The following STPG2 variants were observed in gnomAD, a reference collection of about 807,000 sequenced individuals.
The protein encoded by STPG2 is sperm-tail PG-rich repeat-containing protein 2.
Under a neutral mutation model 54.2 loss-of-function variants are expected in STPG2, and 56 were observed. That is an observed-to-expected ratio of 1.03 (90% CI 0.83 to 1.29). The LOEUF (loss-of-function observed/expected upper bound fraction) is 1.29. Ranked by LOEUF, STPG2 falls within the 50% of genes most tolerant of loss-of-function variation. The pLI is 0.00. For synonymous variants in STPG2, 200 were observed against 181.8 expected (o/e 1.10, Z -0.81); for missense variants, 596 against 544.9 (o/e 1.09, Z -0.93).
At chr4:97,656,691 T>C (rs962056324) in intron 10 of STPG2, among the ~76,000 whole-genome samples, 2 of 150,866 alleles carry the variant, frequency 1.3e-5, no homozygotes, top group African/African-American at 4.9e-5. Flanking sequence ...ATTATTTCTT[T>C]AGATTGGCAA....
intron 4 of STPG2, among the ~76,000 whole-genome samples, chr4:97,461,835 T>C (rs1188406689): frequency 2.0e-5 from 3 of 152,222 alleles, no homozygotes; most frequent in African/African-American, 7.2e-5. Flanking sequence ...TTTTAGAACT[T>C]CATTTCTAGA....
chr4:97,544,216 A>T (rs1402100789), intron 4 of STPG2, among the ~76,000 whole-genome samples: 1 of 152,134 alleles, frequency 6.6e-6, no homozygotes, highest in African/African-American at 2.4e-5. Context: ...AGAATGCATG[A>T]TCTCAAAGTT....
At chr4:97,770,796 G>A (rs958150063) in intron 9 of STPG2, among the ~76,000 whole-genome samples, 1 of 152,178 alleles carries the variant, frequency 6.6e-6, no homozygotes, top group South Asian at 2.1e-4. Flanking sequence ...ATGAAGAATG[G>A]AATTGTCGCT....
chr4:97,553,170 G>A (rs1404748127), intron 4 of STPG2, among the ~76,000 whole-genome samples: 2 of 152,158 alleles, frequency 1.3e-5, no homozygotes, highest in East Asian at 3.9e-4. Flanking sequence ...TTAATAGCAA[G>A]GATCTGGGAG....
chr4:97,738,551 G>C (rs1725105416), intron 9 of STPG2, among the ~76,000 whole-genome samples: 1 of 151,994 alleles, frequency 6.6e-6, no homozygotes, highest in Admixed American at 6.6e-5. Flanking sequence ...AAAAAGGCAG[G>C]GGTTCCAATC....
intron 5 of STPG2, among the ~76,000 whole-genome samples, chr4:98,004,377 A>G (rs1010816810): frequency 6.6e-6 from 1 of 152,074 alleles, no homozygotes; most frequent in Non-Finnish European, 1.5e-5. Context: ...CACTTTCTTT[A>G]TCCAGTCATC....
intron 9 of STPG2, among the ~76,000 whole-genome samples, chr4:97,781,340 C>A (rs575904773): frequency 1.3e-5 from 2 of 151,798 alleles, no homozygotes; most frequent in Non-Finnish European, 2.9e-5. Flanking sequence ...GAAGAAATGG[C>A]TAAATTCCTG....
At chr4:98,009,963 T>C (rs952290423) in intron 5 of STPG2, among the ~76,000 whole-genome samples, 3 of 152,084 alleles carry the variant, frequency 2.0e-5, no homozygotes, top group Admixed American at 2.0e-4. Context: ...GTCTTTTTCA[T>C]TTCTGATTAT....
intron 9 of STPG2, among the ~76,000 whole-genome samples, chr4:97,833,566 G>A (rs1728538431): frequency 2.0e-5 from 3 of 152,016 alleles, no homozygotes; most frequent in Admixed American, 2.0e-4. Flanking sequence ...AGAGTGAACA[G>A]GCAAACTACA....
At chr4:97,638,805 A>C (rs1341623451) in intron 10 of STPG2, among the ~76,000 whole-genome samples, 2 of 146,710 alleles carry the variant, frequency 1.4e-5, no homozygotes, top group Non-Finnish European at 3.0e-5. Flanking sequence ...ATACCATCTC[A>C]CACCAGTTAG....
At chr4:97,813,180 T>C (rs1481172693) in intron 9 of STPG2, among the ~76,000 whole-genome samples, 1 of 152,114 alleles carries the variant, frequency 6.6e-6, no homozygotes, top group African/African-American at 2.4e-5. Context: ...TCTCTTATTA[T>C]AAGAATCTTT....
At chr4:98,092,056 G>C (rs1384980200) in intron 5 of STPG2, among the ~76,000 whole-genome samples, 1 of 151,974 alleles carries the variant, frequency 6.6e-6, no homozygotes, top group Non-Finnish European at 1.5e-5. Context: ...ACTCAGTGCA[G>C]TACAAACTAT....
intron 9 of STPG2, among the ~76,000 whole-genome samples, chr4:97,737,709 T>C (rs912851078): frequency 6.6e-6 from 1 of 152,168 alleles, no homozygotes; most frequent in Non-Finnish European, 1.5e-5. Context: ...TATGGGACTA[T>C]GTGAAAAGAC....
intron 8 of STPG2, among the ~76,000 whole-genome samples, chr4:97,866,155 G>C (rs1209444740): frequency 6.6e-6 from 1 of 151,876 alleles, no homozygotes; most frequent in East Asian, 1.9e-4. Flanking sequence ...TGGTTAGATA[G>C]AATGAATAAG....
intron 10 of STPG2, among the ~76,000 whole-genome samples, chr4:97,661,666 C>G (rs989437754): frequency 1.3e-5 from 2 of 151,634 alleles, no homozygotes; most frequent in African/African-American, 4.8e-5. Flanking sequence ...GGGGAATGCT[C>G]TCCATAATAA....
intron 10 of STPG2, among the ~76,000 whole-genome samples, chr4:97,649,785 G>T (rs935158709): frequency 6.6e-6 from 1 of 152,062 alleles, no homozygotes; most frequent in Non-Finnish European, 1.5e-5. Context: ...TTGGCACCAG[G>T]GACCGGTTTC....
intron 9 of STPG2, among the ~76,000 whole-genome samples, chr4:97,822,562 G>T (rs536375575): frequency 6.6e-6 from 1 of 152,132 alleles, no homozygotes; most frequent in Non-Finnish European, 1.5e-5. Context: ...CTTAAGACTG[G>T]GTAATACATA....
At chr4:97,597,004 T>G (rs1280450768) in intron 10 of STPG2, among the ~76,000 whole-genome samples, 1 of 151,446 alleles carries the variant, frequency 6.6e-6, no homozygotes, top group African/African-American at 2.4e-5. Context: ...ATAAATAAAA[T>G]GGACAGATGC....
At chr4:97,934,503 T>C (rs1468323975) in intron 8 of STPG2, among the ~76,000 whole-genome samples, 1 of 152,236 alleles carries the variant, frequency 6.6e-6, no homozygotes, top group Non-Finnish European at 1.5e-5. Flanking sequence ...AGGTATGCCA[T>C]AAATGGCTCT....
Sources: allele counts gnomAD v4.1 joint callset (sites outside exome capture counted in the v4.1 genomes callset), GRCh38; gene constraint gnomAD v4.1.1; transcripts MANE v1.5; gene names NCBI Gene and HGNC (gene_info 2026-07-23, HGNC 2026-07-21).